HS6ST3: variants seen among roughly 807,000 people sequenced by gnomAD.
HS6ST3 encodes heparan sulfate 6-O-sulfotransferase 3.
A neutral mutation model predicts 36.7 loss-of-function variants in HS6ST3; 12 were observed. That is an observed-to-expected ratio of 0.33 (90% CI 0.21 to 0.53). The LOEUF (loss-of-function observed/expected upper bound fraction) is 0.53. Among genes scored for constraint, HS6ST3 ranks in the 20% least tolerant of loss-of-function variants. HS6ST3 has a pLI of 0.95. For missense variants in HS6ST3, 584 were observed against 640.9 expected (o/e 0.91, Z 0.96); for synonymous variants, 240 against 257.5 (o/e 0.93, Z 0.65).
At chr13:96,410,613 A>G (rs1004816473) in intron 1 of HS6ST3, among the ~76,000 whole-genome samples, 2 of 152,214 alleles carry the variant, frequency 1.3e-5, no homozygotes, top group Admixed American at 1.3e-4. Flanking sequence ...GTATAAAAAT[A>G]TGGTTTGTTA....
chr13:96,188,620 G>A (rs1254571459), intron 1 of HS6ST3, among the ~76,000 whole-genome samples: 1 of 152,164 alleles, frequency 6.6e-6, no homozygotes, highest in Admixed American at 6.5e-5. Context: ...TATAGAAAGT[G>A]CCTTGGATGG....
chr13:96,653,103 G>A (rs1269824078), intron 1 of HS6ST3, among the ~76,000 whole-genome samples: 2 of 152,038 alleles, frequency 1.3e-5, no homozygotes, highest in African/African-American at 4.8e-5. Flanking sequence ...AGAAAAGGTA[G>A]GGGAACTTCA....
chr13:96,511,129 C>T (rs1368032166), intron 1 of HS6ST3, among the ~76,000 whole-genome samples: 1 of 152,080 alleles, frequency 6.6e-6, no homozygotes, highest in Non-Finnish European at 1.5e-5. Flanking sequence ...CCTTACCCAC[C>T]TTTTCTACAT....
At chr13:96,425,069 G>A (rs939160265) in intron 1 of HS6ST3, among the ~76,000 whole-genome samples, 17 of 152,060 alleles carry the variant, frequency 1.1e-4, no homozygotes, top group African/African-American at 3.4e-4. Context: ...TATGACTACC[G>A]GCCCTAGTGA....
chr13:96,200,460 A>AAGTCCTCT (rs2054335949), intron 1 of HS6ST3, among the ~76,000 whole-genome samples: 1 of 152,128 alleles, frequency 6.6e-6, no homozygotes, highest in Non-Finnish European at 1.5e-5. Flanking sequence ...TAATTCCCTT[A>AAGTCCTCT]AGTCCTCTTT....
chr13:96,777,926 C>T (rs1366510767), intron 1 of HS6ST3, among the ~76,000 whole-genome samples: 1 of 152,128 alleles, frequency 6.6e-6, no homozygotes, highest in African/African-American at 2.4e-5. Context: ...TCAAACTATA[C>T]TACAAGGCGA....
At chr13:96,582,365 G>A (rs2056345211) in intron 1 of HS6ST3, among the ~76,000 whole-genome samples, 1 of 152,104 alleles carries the variant, frequency 6.6e-6, no homozygotes, top group Non-Finnish European at 1.5e-5. Flanking sequence ...AACTAGATCT[G>A]AGGGTCTAAT....
At chr13:96,582,359 A>G (rs2138969621) in intron 1 of HS6ST3, among the ~76,000 whole-genome samples, 1 of 152,286 alleles carries the variant, frequency 6.6e-6, no homozygotes, top group South Asian at 2.1e-4. Flanking sequence ...TGTGGAAACT[A>G]GATCTGAGGG....
intron 1 of HS6ST3, among the ~76,000 whole-genome samples, chr13:96,434,778 C>T (rs1188404716): frequency 1.3e-5 from 2 of 152,064 alleles, no homozygotes; most frequent in Non-Finnish European, 2.9e-5. Context: ...TTTATATTAT[C>T]ATCATTTTCT....
chr13:96,319,476 C>A (rs1329184479), intron 1 of HS6ST3, among the ~76,000 whole-genome samples: 1 of 152,054 alleles, frequency 6.6e-6, no homozygotes, highest in African/African-American at 2.4e-5. Context: ...AGTCTTTGGG[C>A]ATATTTTTTA....
chr13:96,782,089 T>A (rs1420079155), intron 1 of HS6ST3, among the ~76,000 whole-genome samples: 1 of 152,226 alleles, frequency 6.6e-6, no homozygotes, highest in Admixed American at 6.5e-5. Context: ...CTGAAATTAT[T>A]GTGAACTTTC....
At chr13:96,553,092 T>C (rs1248042363) in intron 1 of HS6ST3, among the ~76,000 whole-genome samples, 1 of 152,150 alleles carries the variant, frequency 6.6e-6, no homozygotes, top group Non-Finnish European at 1.5e-5. Context: ...CTGGAGATAG[T>C]GTACCTTGTG....
At chr13:96,574,848 C>T (rs555372563) in intron 1 of HS6ST3, among the ~76,000 whole-genome samples, 10 of 152,212 alleles carry the variant, frequency 6.6e-5, no homozygotes, top group South Asian at 6.2e-4. Context: ...TGATGATCCA[C>T]GAGGGTTGAA....
chr13:96,771,652 G>C (rs972660805), intron 1 of HS6ST3, among the ~76,000 whole-genome samples: 4 of 152,148 alleles, frequency 2.6e-5, no homozygotes, highest in Non-Finnish European at 5.9e-5. Flanking sequence ...AAGGTGCCAA[G>C]CCTTCCAAGA....
At chr13:96,474,854 A>G (rs749335390) in intron 1 of HS6ST3, among the ~76,000 whole-genome samples, 1 of 152,176 alleles carries the variant, frequency 6.6e-6, no homozygotes, top group Non-Finnish European at 1.5e-5. Context: ...AAATTTTCAG[A>G]TAAGAAACTA....
At chr13:96,280,294 A>G (rs1216714686) in intron 1 of HS6ST3, among the ~76,000 whole-genome samples, 1 of 152,158 alleles carries the variant, frequency 6.6e-6, no homozygotes, top group Non-Finnish European at 1.5e-5. Flanking sequence ...CTTTGATGAT[A>G]TATTTGCCAA....
chr13:96,643,585 C>T (rs2056577944), intron 1 of HS6ST3, among the ~76,000 whole-genome samples: 2 of 151,746 alleles, frequency 1.3e-5, no homozygotes, highest in Admixed American at 6.6e-5. Context: ...CACAAAAAGG[C>T]TTTTTAAAGC....
intron 1 of HS6ST3, among the ~76,000 whole-genome samples, chr13:96,729,750 G>C (rs1876098628): frequency 6.6e-6 from 1 of 152,152 alleles, no homozygotes; most frequent in Non-Finnish European, 1.5e-5. Context: ...ACAGGCGTGA[G>C]CAACCACGCC....
intron 1 of HS6ST3, among the ~76,000 whole-genome samples, chr13:96,492,114 T>C (rs113639580): frequency 9.2e-5 from 14 of 152,312 alleles, no homozygotes; most frequent in African/African-American, 3.1e-4. Context: ...TGTAGGTAGG[T>C]AACGTTGCTT....
Sources: gnomAD v4.1 joint callset for allele counts (sites outside exome capture counted in the v4.1 genomes callset) on GRCh38, gnomAD v4.1.1 for gene constraint, MANE v1.5 for transcripts, NCBI Gene and HGNC (gene_info 2026-07-23, HGNC 2026-07-21) for gene names.